KCND2: variants seen among roughly 807,000 people sequenced by gnomAD.
KCND2 encodes potassium voltage-gated channel subfamily D member 2, also known as A-type voltage-gated potassium channel KCND2.
Under a neutral mutation model 54.4 loss-of-function variants are expected in KCND2, and 16 were observed. That is an observed-to-expected ratio of 0.29 (90% CI 0.20 to 0.45). The LOEUF is 0.45. Ranked by LOEUF, KCND2 falls within the 20% of genes least tolerant of loss-of-function variation. KCND2 has a pLI of 1.00. For synonymous variants in KCND2, 317 were observed against 310.7 expected, an observed-to-expected ratio of 1.02 and a Z score of -0.21; for missense variants, 486 against 824.2, an observed-to-expected ratio of 0.59 and a Z score of 5.02.
intron 1 of KCND2, among the ~76,000 whole-genome samples, chr7:120,438,757 CT>C (rs1242453906): frequency 3.3e-5 from 5 of 152,072 alleles, no homozygotes; most frequent in African/African-American, 1.2e-4. Flanking sequence ...GCCAGGATAT[CT>C]TTCTTTGATT....
chr7:120,574,399 C>T (rs925405099), intron 1 of KCND2, among the ~76,000 whole-genome samples: 3 of 151,986 alleles, frequency 2.0e-5, no homozygotes, highest in Non-Finnish European at 4.4e-5. Flanking sequence ...TGACAAGGCA[C>T]AAATGAAAGC....
intron 1 of KCND2, among the ~76,000 whole-genome samples, chr7:120,723,629 G>A (rs66991218): frequency 6.6e-6 from 1 of 152,000 alleles, no homozygotes; most frequent in Non-Finnish European, 1.5e-5. Context: ...GAGGCTGAAG[G>A]TTCCCTTGAG....
intron 4 of KCND2, among the ~76,000 whole-genome samples, chr7:120,744,287 AT>A (rs1322938893): frequency 6.6e-6 from 1 of 151,970 alleles, no homozygotes; most frequent in Non-Finnish European, 1.5e-5. Context: ...TAAATAAAAT[AT>A]TTTTATTCCT....
chr7:120,312,323 T>C (rs1353321036), intron 1 of KCND2, among the ~76,000 whole-genome samples: 1 of 152,180 alleles, frequency 6.6e-6, no homozygotes, highest in Non-Finnish European at 1.5e-5. Context: ...GTCTTTATTA[T>C]TGTGAGTAGT....
intron 1 of KCND2, among the ~76,000 whole-genome samples, chr7:120,598,079 A>G (rs912168334): frequency 6.9e-6 from 1 of 144,834 alleles, no homozygotes; most frequent in Non-Finnish European, 1.5e-5. Context: ...CAAAAAAACT[A>G]AAAAAAAAAA....
chr7:120,340,316 C>T (rs1489306055), intron 1 of KCND2, among the ~76,000 whole-genome samples: 1 of 152,110 alleles, frequency 6.6e-6, no homozygotes, highest in African/African-American at 2.4e-5. Context: ...AATAGGATTT[C>T]CAACAAATTG....
In KCND2 at chr7:120,274,810, G is replaced by A; in HGVS notation, c.178G>A (p.Glu60Lys). 6.2e-7 allele frequency: 1 copy of A among 1,614,074 alleles called. No individual in the cohort carries two copies. The highest frequency in any genetic ancestry group is 8.5e-7 in the Non-Finnish European group (1 of 1,180,008). ...TRFQTWQDTL[E>K]RYPDTLLGSS... ...CTTCCAGACGTGGCAGGACACCCTG[G>A]AACGTTACCCAGACACTCTACTGGG... is the stretch of plus-strand genomic sequence containing the variant. Residue 60 changes from glutamate (E) to lysine (K), a missense_variant, in exon 1 of 6, where the codon GAA becomes AAA. Glu to Lys is a moderately conservative substitution (Grantham distance 56). Around this residue, in one of 7 missense-constraint regions of KCND2, gnomAD observed 231 missense variants for 386.0 expected, o/e 0.60. Coordinates refer to ENST00000331113, the MANE Select transcript of KCND2 (RefSeq NM_012281.3).
chr7:120,654,992 A>G (rs1287077483), intron 1 of KCND2, among the ~76,000 whole-genome samples: 1 of 152,056 alleles, frequency 6.6e-6, no homozygotes, highest in Non-Finnish European at 1.5e-5. Flanking sequence ...TGTATGTATT[A>G]CCTATTCAAA....
chr7:120,363,290 C>T (rs994546796), intron 1 of KCND2, among the ~76,000 whole-genome samples: 2 of 152,006 alleles, frequency 1.3e-5, no homozygotes, highest in Non-Finnish European at 2.9e-5. Context: ...GATGACAGAG[C>T]AAGATCCCAT....
At chr7:120,288,195 G>A (rs886817075) in intron 1 of KCND2, among the ~76,000 whole-genome samples, 5 of 152,054 alleles carry the variant, frequency 3.3e-5, no homozygotes, top group Admixed American at 2.6e-4. Flanking sequence ...TGTAATAAAA[G>A]TAAAGAAAAT....
intron 1 of KCND2, among the ~76,000 whole-genome samples, chr7:120,356,745 C>T (rs1164223183): frequency 2.6e-5 from 4 of 152,128 alleles, no homozygotes; most frequent in African/African-American, 7.2e-5. Flanking sequence ...CCAGGATGAA[C>T]TAAGGATCTA....
In KCND2 at chr7:120,624,491, C is replaced by T. The variant is rs906723283; in HGVS notation, c.1116-108412C>T. Among the ~76,000 whole-genome samples, 14 of 152,094 alleles carry T rather than the reference C, an allele frequency of 9.2e-5. No individual in the cohort carries two copies. In the South Asian group the frequency reaches 1.5e-3, roughly 16 times the overall value. ...AGAAACACATGAAATTATTAAAAAC[C>T]CATGGTGGGCTGGGCATGGTGGCTC... On this transcript the variant is annotated intron_variant, in intron 1 of 5. Coordinates refer to ENST00000331113, the MANE Select transcript of KCND2 (RefSeq NM_012281.3).
At chr7:120,725,684 G>A (rs11535306) in intron 1 of KCND2, among the ~76,000 whole-genome samples, 1 of 152,142 alleles carries the variant, frequency 6.6e-6, no homozygotes, top group African/African-American at 2.4e-5. Flanking sequence ...ATATTTTTCA[G>A]CAATTCCTTC....
At chr7:120,442,445 A>C (rs1371895425) in intron 1 of KCND2, among the ~76,000 whole-genome samples, 1 of 152,144 alleles carries the variant, frequency 6.6e-6, no homozygotes, top group Non-Finnish European at 1.5e-5. Flanking sequence ...ATTGAGGAAG[A>C]AAACTAGAAG....
chr7:120,601,937 G>C (rs1284289984), intron 1 of KCND2, among the ~76,000 whole-genome samples: 1 of 152,128 alleles, frequency 6.6e-6, no homozygotes, highest in Non-Finnish European at 1.5e-5. Flanking sequence ...TTTGCAATTT[G>C]ATCAGCTTGA....
At chr7:120,314,317 A>T (rs950460928) in intron 1 of KCND2, among the ~76,000 whole-genome samples, 1 of 151,200 alleles carries the variant, frequency 6.6e-6, no homozygotes, top group Non-Finnish European at 1.5e-5. Flanking sequence ...TGGGTGACAG[A>T]GCAAGACTCC....
At chr7:120,349,750 A>T (rs1181635807) in intron 1 of KCND2, among the ~76,000 whole-genome samples, 1 of 152,202 alleles carries the variant, frequency 6.6e-6, no homozygotes, top group Non-Finnish European at 1.5e-5. Flanking sequence ...AAAATGTAAA[A>T]GGACTCTGGC....
intron 1 of KCND2, among the ~76,000 whole-genome samples, chr7:120,512,800 T>C (rs551395874): frequency 6.7e-6 from 1 of 150,206 alleles, no homozygotes; most frequent in Non-Finnish European, 1.5e-5. Context: ...GTTTCTTTTT[T>C]CTTTTTTTTT....
intron 1 of KCND2, among the ~76,000 whole-genome samples, chr7:120,540,515 G>A (rs1791966558): frequency 6.6e-6 from 1 of 152,112 alleles, no homozygotes; most frequent in South Asian, 2.1e-4. Flanking sequence ...TTTAAAACAT[G>A]TCAAAATTTA....
Sources: allele counts gnomAD v4.1 joint callset (sites outside exome capture counted in the v4.1 genomes callset), GRCh38; gene constraint gnomAD v4.1.1; regional missense constraint gnomAD v4.1.1; transcripts MANE v1.5; gene names NCBI Gene and HGNC (gene_info 2026-07-23, HGNC 2026-07-21).